The following FLT4 variants were observed in gnomAD, a reference collection of about 807,000 sequenced individuals.
FLT4 encodes vascular endothelial growth factor receptor 3.
Under a neutral mutation model 163.2 loss-of-function variants are expected in FLT4, and 30 were observed. That is an observed-to-expected ratio of 0.18 (90% CI 0.14 to 0.25). The LOEUF is 0.25. Among genes scored for constraint, FLT4 ranks in the 10% least tolerant of loss-of-function variants. The pLI, the probability that FLT4 is intolerant of heterozygous loss-of-function variation, is 1.00. For synonymous variants in FLT4, 884 were observed against 789.5 expected (o/e 1.12, Z -2.01); for missense variants, 1,510 against 1,863.8 (o/e 0.81, Z 3.50).
In FLT4 at chr5:180,602,983, G is replaced by C. The variant is rs113604986; in HGVS notation, c.*209C>G. 656 of 608,830 alleles carry C rather than the reference G, an allele frequency of 1.1e-3. 4 individuals are homozygous for C. The African/African-American group carries it at 0.011, about 10-fold the overall frequency. The allele number at this position is 608,830 out of a possible 1,614,324, so 37.7% of individuals were successfully genotyped here. A position where few individuals can be genotyped will look rare whatever the true frequency, so the allele number is the denominator to read the frequency against. On this transcript the variant is annotated 3_prime_UTR_variant, in exon 30 of 30. Coordinates refer to ENST00000261937, the MANE Select transcript of FLT4 (RefSeq NM_182925.5). ...AGGGGGAGGGGCCGGGGCAGCTGGAGCGTGGCCCTGGCCAGTCGTGGTGAC... is the reference window on the plus strand; with the variant it reads ...AGGGGGAGGGGCCGGGGCAGCTGGACCGTGGCCCTGGCCAGTCGTGGTGAC...
chr5:180,603,859 G>A (rs542488766), intron 29 of FLT4, among the ~76,000 whole-genome samples: 64 of 151,112 alleles, frequency 4.2e-4, no homozygotes, highest in African/African-American at 1.1e-3. Context: ...AGCTGAGATC[G>A]CACCACTGCA....
Position 180,636,821 on chromosome 5 carries a change from C to T in FLT4, c.59-5043G>A, listed in dbSNP as rs1228895065. Among the ~76,000 whole-genome samples, 1 of 152,072 alleles carries T rather than the reference C, an allele frequency of 6.6e-6. No individual in the cohort carries two copies. Among genetic ancestry groups the T allele is most frequent in the East Asian group, 1.9e-4 (1 of 5,178 alleles). ...AGCCCCCACTGCTTCCTCCCCACCC[C>T]TTGGTGCCCTCCCGGTGCTGCCCCG... On this transcript the variant is annotated intron_variant, in intron 1 of 29. Transcript: ENST00000261937. The surrounding 1 kb of genome is among the most constrained non-coding windows in gnomAD (Gnocchi z 4.3).
At chr5:180,614,349 C>T (rs777380970) in intron 23 of FLT4, among the ~76,000 whole-genome samples, 170 bp from the exon 24 acceptor site, 16 of 142,906 alleles carry the variant, frequency 1.1e-4, no homozygotes, top group Admixed American at 5.7e-4. Context: ...GATGCTCTGG[C>T]ACCCCCTAAC....
intron 8 of FLT4, among the ~76,000 whole-genome samples, chr5:180,627,780 G>C (rs1464079672): frequency 6.6e-6 from 1 of 152,194 alleles, no homozygotes; most frequent in Non-Finnish European, 1.5e-5. Flanking sequence ...GGCCTTGGAG[G>C]GCAGGGGACA....
Position 180,620,770 on chromosome 5 carries a change from C to A in FLT4, c.2300-55G>T. 6.3e-7 allele frequency: 1 copy of A among 1,596,206 alleles called. No individual in the cohort carries two copies. ...TGTGTGTGTGTGTAAGAGCGTGCAC[C>A]TGCAGGCAGCACCCCTTCTGGTGGC... On this transcript the variant is annotated intron_variant, in intron 15 of 29. Transcript: ENST00000261937. The surrounding 1 kb of genome is among the most constrained non-coding windows in gnomAD (Gnocchi z 4.4).
At chr5:180,637,087 G>C (rs1454327051) in intron 1 of FLT4, among the ~76,000 whole-genome samples, 1 of 152,146 alleles carries the variant, frequency 6.6e-6, no homozygotes, top group Non-Finnish European at 1.5e-5. Flanking sequence ...GGGCACAGTG[G>C]CTCATGCCTG....
rs773154336 is a variant in FLT4 at position 180,630,372 on chromosome 5, G to A, written c.401-35C>T. 1.3e-5 allele frequency: 21 copies of A among 1,587,654 alleles called. No homozygotes were observed. The highest frequency in any genetic ancestry group is 1.2e-4 in the African/African-American group (9 of 74,610). On this transcript the variant is annotated intron_variant, in intron 3 of 29. Coordinates refer to ENST00000261937, the MANE Select transcript of FLT4 (RefSeq NM_182925.5). This position sits in a 1 kb window ranked among gnomAD's most constrained non-coding sequence, Gnocchi z 6.3. ...GGGAGCAAGCTGTTGGGGAAGGGAC[G>A]TGGCGGCCAGGCTGGGGGAGGGCTC...
chr5:180,626,406 A>G lies in FLT4; in HGVS notation c.1104-141T>C, dbSNP rs1763617515. Reference sequence around the variant, plus strand: ...GTAGGACGGGGAACACTGGTCTGCGAGGGGATGGTCTAAGTCCCTGGAGAT... The same window carrying G: ...GTAGGACGGGGAACACTGGTCTGCGGGGGGATGGTCTAAGTCCCTGGAGAT... On this transcript the variant is annotated intron_variant, in intron 8 of 29. Coordinates refer to ENST00000261937, the MANE Select transcript of FLT4 (RefSeq NM_182925.5). 12 of 910,336 alleles carry G rather than the reference A, an allele frequency of 1.3e-5. No homozygotes were observed. The South Asian group carries it at 1.4e-4, about 10-fold the overall frequency. 56.4% of individuals were successfully genotyped at this position (910,336 alleles called of 1,614,324 possible).
intron 1 of FLT4, among the ~76,000 whole-genome samples, chr5:180,642,077 G>C (rs968429573): frequency 6.6e-6 from 1 of 152,002 alleles, no homozygotes; most frequent in Admixed American, 6.6e-5. Context: ...TGTGGTGGCG[G>C]GCGCCTGCAG....
At chr5:180,638,875 T>C (rs922298953) in intron 1 of FLT4, among the ~76,000 whole-genome samples, 6 of 152,192 alleles carry the variant, frequency 3.9e-5, no homozygotes, top group South Asian at 2.1e-4. Flanking sequence ...TGTCCTCCAA[T>C]AGGCAGTAAG....
chr5:180,603,077 G>T lies in FLT4; in HGVS notation c.*115C>A. 1 of 998,266 alleles carries T rather than the reference G, an allele frequency of 1.0e-6. No homozygotes were observed. Among genetic ancestry groups the T allele is most frequent in the Non-Finnish European group, 1.6e-6 (1 of 642,620 alleles). The allele number at this position is 998,266 out of a possible 1,614,324, so 61.8% of individuals were successfully genotyped here. ...TGGGAAGTCTGCAGAGAGGGAAGAG[G>T]ACACTCCTGTGCCACCAGAGTTCAA... On this transcript the variant is annotated 3_prime_UTR_variant, in exon 30 of 30. Transcript: ENST00000261937.
intron 17 of FLT4, 40 bp from the exon 18 acceptor site, chr5:180,619,809 G>C (rs375404037): frequency 9.4e-6 from 14 of 1,489,764 alleles, no homozygotes; most frequent in Non-Finnish European, 1.3e-5. Context: ...AGCTGTACGG[G>C]GTGAGCGTGG....
chr5:180,625,768 G>A (rs1763552246), intron 10 of FLT4, 101 bp downstream of exon 10: 3 of 1,111,466 alleles, frequency 2.7e-6, no homozygotes, highest in African/African-American at 1.5e-5. Context: ...AAGGGGTACA[G>A]GGAAGACCTG....
Position 180,621,112 on chromosome 5 carries a change from T to C in FLT4, c.2161A>G (p.Lys721Glu). 6.2e-7 allele frequency: 1 copy of C among 1,612,746 alleles called. No individual in the cohort carries two copies. The highest frequency in any genetic ancestry group is 8.5e-7 in the Non-Finnish European group (1 of 1,179,974). Residue 721 changes from lysine to glutamate, a missense_variant, in exon 14 of 30, where the codon AAG (lysine) becomes GAG (glutamate). By Grantham distance (56) the Lys-to-Glu change is moderately conservative (BLOSUM62 1). Transcript: ENST00000261937. ...WYKDERLLEE[K>E]SGVDLADSNQ... is the part of the protein sequence containing the mutation. The stretch of plus-strand genomic sequence containing the variant: ...CCAGGGCCACCCTCCCTACCAGACT[T>C]TTCCTCCAGCAGCCTCTCGTCTTTG...
At chr5:180,608,095 C>A in intron 29 of FLT4, 1 of 700,440 alleles carries the variant, frequency 1.4e-6, no homozygotes, top group Non-Finnish European at 2.6e-6. Context: ...CTAACCCCTC[C>A]CTGTGGTGCT....
chr5:180,621,435 C>G, intron 13 of FLT4, 107 bp downstream of exon 13: 1 of 1,513,674 alleles, frequency 6.6e-7, no homozygotes, highest in Admixed American at 1.9e-5. Flanking sequence ...CTCCTGCAGG[C>G]CAGGGCTGTG....
In FLT4 at chr5:180,630,208, TTGGGG is replaced by T; in HGVS notation, c.513+12_513+16del. 1 of 1,609,648 alleles carries T rather than the reference TTGGGG, an allele frequency of 6.2e-7. No individual in the cohort carries two copies. Among genetic ancestry groups the T allele is most frequent in the Non-Finnish European group, 8.5e-7 (1 of 1,177,952 alleles). On this transcript the variant is annotated intron_variant, in intron 4 of 29. Coordinates refer to ENST00000261937, the MANE Select transcript of FLT4 (RefSeq NM_182925.5). This position sits in a 1 kb window ranked among gnomAD's most constrained non-coding sequence, Gnocchi z 6.3. ...GGGATGGGAGGGTCGGATGCTGGGGTTGGGGTGGGGCCGTACCGAGCGCAGCGTGA... is the reference window on the plus strand; with the variant it reads ...GGGATGGGAGGGTCGGATGCTGGGGTTGGGGCCGTACCGAGCGCAGCGTGA...
chr5:180,606,151 G>A (rs1177196994), intron 29 of FLT4, among the ~76,000 whole-genome samples: 4 of 152,178 alleles, frequency 2.6e-5, no homozygotes, highest in Non-Finnish European at 5.9e-5. Context: ...GCCGATACAG[G>A]GTGGTGCAGT....
intron 1 of FLT4, among the ~76,000 whole-genome samples, chr5:180,647,309 C>T (rs181143555): frequency 6.6e-6 from 1 of 152,314 alleles, no homozygotes; most frequent in African/African-American, 2.4e-5. Context: ...CAAGCACACA[C>T]AACCCACACA....
Sources: gnomAD v4.1 joint callset for allele counts (sites outside exome capture counted in the v4.1 genomes callset) on GRCh38, gnomAD v4.1.1 for gene constraint, Gnocchi (gnomAD v3.1) non-coding constraint, MANE v1.5 for transcripts, NCBI Gene and HGNC (gene_info 2026-07-23, HGNC 2026-07-21) for gene names.